The following RAD51 variants were observed in gnomAD, a reference collection of about 807,000 sequenced individuals.
RAD51 encodes the protein DNA repair protein RAD51 homolog 1.
In RAD51, 14 loss-of-function variants were observed where a neutral mutation model predicts 41.5. The observed-to-expected ratio is 0.34, with a 90% CI of 0.22 to 0.53. RAD51 has a LOEUF of 0.53. Ranked by LOEUF, RAD51 falls within the 20% of genes least tolerant of loss-of-function variation. RAD51 has a pLI of 0.95. For synonymous variants in RAD51, 136 were observed against 148.6 expected (o/e 0.92, Z 0.62); for missense variants, 234 against 422.0 (o/e 0.55, Z 3.90).
chr15:40,729,294 A>AC, intron 7 of RAD51, among the ~76,000 whole-genome samples: 1 of 147,528 alleles, frequency 6.8e-6, no homozygotes, highest in South Asian at 2.2e-4. Context: ...AATGGAGTGA[A>AC]CCCGGGAGGC....
At chr15:40,703,248 TG>T (rs1471823739) in intron 3 of RAD51, among the ~76,000 whole-genome samples, 2 of 152,150 alleles carry the variant, frequency 1.3e-5, no homozygotes, top group Non-Finnish European at 2.9e-5. Flanking sequence ...AGTACATGTT[TG>T]TTGCACTGAA....
At chr15:40,719,407 A>T (rs1028040724) in intron 6 of RAD51, among the ~76,000 whole-genome samples, 14 of 152,170 alleles carry the variant, frequency 9.2e-5, no homozygotes, top group African/African-American at 3.4e-4. Flanking sequence ...TTAAAAAAAA[A>T]AAATCCAACT....
rs529788273 is a variant in RAD51 at position 40,697,016 on chromosome 15, C to T, written c.-3+1591C>T. On this transcript the variant is annotated intron_variant, in intron 1 of 9. Transcript: ENST00000267868. Reference sequence around the variant, plus strand: ...GTTATGTTTGTGCTAAATGTTTTCTCTACTGTGGTTTGACTTGTCACTCTC... The same window carrying T: ...GTTATGTTTGTGCTAAATGTTTTCTTTACTGTGGTTTGACTTGTCACTCTC... Among the ~76,000 whole-genome samples the T allele has an allele frequency of 7.9e-5, 12 of 152,310 alleles. No homozygotes were observed. The South Asian group carries it at 2.3e-3, about 29-fold the overall frequency.
intron 6 of RAD51, among the ~76,000 whole-genome samples, chr15:40,727,919 G>A (rs958106049): frequency 1.3e-5 from 2 of 149,948 alleles, no homozygotes; most frequent in African/African-American, 4.9e-5. Flanking sequence ...GTGTGCAATG[G>A]TATGATCTCG....
At chr15:40,702,569 A>G (rs1337861746) in intron 3 of RAD51, among the ~76,000 whole-genome samples, 1 of 151,838 alleles carries the variant, frequency 6.6e-6, no homozygotes, top group Middle Eastern at 3.4e-3. Context: ...CTGGAGCACA[A>G]TGGTGCAATT....
intron 1 of RAD51, among the ~76,000 whole-genome samples, chr15:40,697,913 A>G (rs1325727796): frequency 6.6e-6 from 1 of 152,202 alleles, no homozygotes; most frequent in Non-Finnish European, 1.5e-5. Flanking sequence ...GGTAATCAGC[A>G]TATCCATCAG....
At chr15:40,722,160 C>T (rs566891509) in intron 6 of RAD51, among the ~76,000 whole-genome samples, 2 of 152,160 alleles carry the variant, frequency 1.3e-5, no homozygotes, top group South Asian at 4.2e-4. Context: ...GCCTGTAATC[C>T]CAGCACTTTG....
At chr15:40,710,912 A>G (rs772634125) in intron 5 of RAD51, among the ~76,000 whole-genome samples, 6 of 152,164 alleles carry the variant, frequency 3.9e-5, no homozygotes, top group Non-Finnish European at 8.8e-5. Flanking sequence ...TCAGTATACA[A>G]ATATGTCTAG....
At chr15:40,707,150 ATTTTTTTT>A (rs751900607) in intron 4 of RAD51, among the ~76,000 whole-genome samples, 7 of 93,612 alleles carry the variant, frequency 7.5e-5, no homozygotes, top group African/African-American at 2.1e-4. Context: ...CACCTGGCTA[ATTTTTTTT>A]TTTTTTTTTT....
rs760778294 is a variant in RAD51 at position 40,731,026 on chromosome 15, T to G, written c.897-29T>G. 1.1e-5 allele frequency: 18 copies of G among 1,613,736 alleles called. No individual in the cohort carries two copies. The African/African-American group carries it at 1.5e-4, about 13-fold the overall frequency. On this transcript the variant is annotated intron_variant, in intron 9 of 9. Coordinates refer to ENST00000267868, the MANE Select transcript of RAD51 (RefSeq NM_002875.5). ...ACGGAATTGTTTAATTATAATAAATTGGTGCTTTGGTCTGTGTCTTTGGGT... is the reference window on the plus strand; with the variant it reads ...ACGGAATTGTTTAATTATAATAAATGGGTGCTTTGGTCTGTGTCTTTGGGT...
intron 4 of RAD51, among the ~76,000 whole-genome samples, chr15:40,708,298 G>A (rs553108645): frequency 6.2e-5 from 9 of 145,564 alleles, no homozygotes; most frequent in Admixed American, 3.5e-4. Flanking sequence ...GCGTGATCTC[G>A]GCTTGCTGCA....
chr15:40,731,436 A>C lies in RAD51; in HGVS notation c.*258A>C. ...CTTTGGTTTTGGAGGAGGGGTATGA[A>C]GTATCTTTGACATGGTGCCTTAGGA... On this transcript the variant is annotated 3_prime_UTR_variant, in exon 10 of 10. Coordinates refer to ENST00000267868, the MANE Select transcript of RAD51 (RefSeq NM_002875.5). 1 of 482,392 alleles carries C rather than the reference A, an allele frequency of 2.1e-6. No homozygotes were observed. Among genetic ancestry groups the C allele is most frequent in the Non-Finnish European group, 3.8e-6 (1 of 266,366 alleles). 29.9% of individuals were successfully genotyped at this position (482,392 alleles called of 1,614,324 possible).
chr15:40,730,128 A>G (rs186929774), intron 9 of RAD51, among the ~76,000 whole-genome samples, 154 bp downstream of exon 9: 1 of 152,344 alleles, frequency 6.6e-6, no homozygotes, highest in East Asian at 1.9e-4. Context: ...TCTCGTTGGT[A>G]TAGATGTTTT....
intron 5 of RAD51, among the ~76,000 whole-genome samples, chr15:40,710,330 T>C (rs4924498): frequency 0.64 from 89,732 of 139,746 alleles, 29,345 homozygotes; most frequent in East Asian, 0.92. Flanking sequence ...GGTGAAACCC[T>C]GTCTCTACTA....
intron 1 of RAD51, chr15:40,695,737 C>T (rs565042847): frequency 6.6e-6 from 1 of 152,318 alleles, no homozygotes; most frequent in East Asian, 1.9e-4. Flanking sequence ...CCAGGGCTTC[C>T]GGATTCCTGA....
intron 5 of RAD51, among the ~76,000 whole-genome samples, chr15:40,712,590 GC>G (rs1342926544): frequency 2.0e-5 from 3 of 152,196 alleles, no homozygotes; most frequent in Non-Finnish European, 4.4e-5. Context: ...AGGATGTGCT[GC>G]ATAAGTGGCC....
intron 5 of RAD51, among the ~76,000 whole-genome samples, chr15:40,714,963 C>CAGGA (rs1895912998): frequency 6.6e-6 from 1 of 151,652 alleles, no homozygotes; most frequent in African/African-American, 2.4e-5. Flanking sequence ...TGCTTGAACC[C>CAGGA]AGGAGTTCCA....
At chr15:40,708,231 CTTT>C (rs1222352292) in intron 4 of RAD51, among the ~76,000 whole-genome samples, 1 of 116,202 alleles carries the variant, frequency 8.6e-6, no homozygotes. Context: ...TTGTGCCCAG[CTTT>C]TTTTTTTTTT....
chr15:40,720,037 G>A (rs1295816466), intron 6 of RAD51, among the ~76,000 whole-genome samples: 1 of 151,990 alleles, frequency 6.6e-6, no homozygotes, highest in Admixed American at 6.6e-5. Flanking sequence ...TTCATTAATG[G>A]ATACAGGCTT....
Sources: allele counts gnomAD v4.1 joint callset (sites outside exome capture counted in the v4.1 genomes callset), GRCh38; gene constraint gnomAD v4.1.1; transcripts MANE v1.5; gene names NCBI Gene and HGNC (gene_info 2026-07-23, HGNC 2026-07-21).